The following INPP4B variants were observed in gnomAD, a reference collection of about 807,000 sequenced individuals.
The protein encoded by INPP4B is inositol polyphosphate-4-phosphatase type II B.
Under a neutral mutation model 122.5 loss-of-function variants are expected in INPP4B, and 55 were observed. The ratio of observed to expected loss-of-function variants is 0.45; its 90% CI spans 0.36 to 0.56. INPP4B has a LOEUF of 0.56. INPP4B is among the 20% of genes least tolerant of loss of function. INPP4B has a pLI of 0.00. For synonymous variants in INPP4B, 403 were observed against 388.7 expected (o/e 1.04, Z -0.43); for missense variants, 1,000 against 1,097.7 (o/e 0.91, Z 1.26).
intron 1 of INPP4B, among the ~76,000 whole-genome samples, chr4:142,739,352 T>C (rs1767558146): frequency 6.6e-6 from 1 of 152,030 alleles, no homozygotes; most frequent in African/African-American, 2.4e-5. Flanking sequence ...TTAATTTACT[T>C]GAGCATATGG....
At chr4:142,745,113 A>G (rs903558459) in intron 1 of INPP4B, among the ~76,000 whole-genome samples, 2 of 151,882 alleles carry the variant, frequency 1.3e-5, no homozygotes, top group Non-Finnish European at 2.9e-5. Context: ...ACTGAATCTA[A>G]ATAGACCTTA....
At chr4:142,395,628 T>G (rs1177457880) in intron 7 of INPP4B, among the ~76,000 whole-genome samples, 1 of 152,170 alleles carries the variant, frequency 6.6e-6, no homozygotes, top group African/African-American at 2.4e-5. Context: ...GCAGCACTAT[T>G]CACAATGGCC....
chr4:142,652,734 C>A (rs1043791169), intron 2 of INPP4B, among the ~76,000 whole-genome samples: 4 of 152,226 alleles, frequency 2.6e-5, no homozygotes, highest in Non-Finnish European at 4.4e-5. Flanking sequence ...AATGGAAGAA[C>A]ATTCCATGCT....
intron 1 of INPP4B, among the ~76,000 whole-genome samples, chr4:142,795,945 C>G (rs1391560169): frequency 2.0e-5 from 3 of 151,862 alleles, no homozygotes; most frequent in Non-Finnish European, 4.4e-5. Context: ...ATTTTCTCGC[C>G]TAATTTAATC....
At chr4:142,620,136 A>G (rs945877211) in intron 2 of INPP4B, among the ~76,000 whole-genome samples, 3 of 152,020 alleles carry the variant, frequency 2.0e-5, no homozygotes, top group Non-Finnish European at 2.9e-5. Flanking sequence ...CATTCGGCCC[A>G]ACAATTCCAA....
chr4:142,074,933 T>A (rs1366414291), intron 25 of INPP4B, among the ~76,000 whole-genome samples: 1 of 152,026 alleles, frequency 6.6e-6, no homozygotes, highest in Non-Finnish European at 1.5e-5. Flanking sequence ...AAGACACAGT[T>A]CAGATTCTAC....
Position 142,748,969 on chromosome 4 carries a change from G to A in INPP4B, c.-253-23068C>T, listed in dbSNP as rs531453144. 3.3e-5 allele frequency among the ~76,000 whole-genome samples: 5 copies of A among 151,396 alleles called. No individual in the cohort carries two copies. In the East Asian group the frequency reaches 5.9e-4, roughly 18 times the overall value. ...AGCCTGGCTAACATGGCAAAACCCC[G>A]TCTCTACTAAAAACACAAAAATTAT... On this transcript the variant is annotated intron_variant, in intron 1 of 25. Transcript: ENST00000262992.
At chr4:142,250,216 A>T (rs1237618766) in intron 11 of INPP4B, among the ~76,000 whole-genome samples, 1 of 152,168 alleles carries the variant, frequency 6.6e-6, no homozygotes, top group Non-Finnish European at 1.5e-5. Flanking sequence ...CCCAACATAC[A>T]CATTCAACTT....
chr4:142,181,426 T>C (rs1196794599), intron 15 of INPP4B, among the ~76,000 whole-genome samples: 2 of 152,206 alleles, frequency 1.3e-5, no homozygotes, highest in Non-Finnish European at 2.9e-5. Context: ...CAAAAATAAA[T>C]ATAACTGTAT....
At chr4:142,650,641 T>G (rs1157134798) in intron 2 of INPP4B, among the ~76,000 whole-genome samples, 1 of 150,864 alleles carries the variant, frequency 6.6e-6, no homozygotes, top group Non-Finnish European at 1.5e-5. Context: ...CACACAATGG[T>G]AAAGGGATCA....
chr4:142,163,968 C>T (rs985840079), intron 16 of INPP4B, among the ~76,000 whole-genome samples: 2 of 151,786 alleles, frequency 1.3e-5, no homozygotes, highest in African/African-American at 4.8e-5. Flanking sequence ...TTTAAAATAT[C>T]AGCTTAATAA....
intron 2 of INPP4B, among the ~76,000 whole-genome samples, chr4:142,674,178 A>G (rs1203386051): frequency 2.0e-5 from 3 of 152,056 alleles, no homozygotes; most frequent in South Asian, 2.1e-4. Flanking sequence ...TTACTTTTCA[A>G]TTCAACTTCT....
At chr4:142,595,684 C>G (rs146560357) in intron 2 of INPP4B, among the ~76,000 whole-genome samples, 83 of 152,204 alleles carry the variant, frequency 5.5e-4, no homozygotes, top group African/African-American at 2.0e-3. Context: ...GGTAAACAAT[C>G]AACTTGGCAA....
chr4:142,351,902 C>T (rs574922271), intron 7 of INPP4B, among the ~76,000 whole-genome samples: 1 of 152,112 alleles, frequency 6.6e-6, no homozygotes, highest in East Asian at 1.9e-4. Context: ...TACTTGTGAG[C>T]TCATTATTTC....
chr4:142,528,331 G>C (rs1382413867), intron 2 of INPP4B, among the ~76,000 whole-genome samples: 3 of 152,026 alleles, frequency 2.0e-5, no homozygotes, highest in African/African-American at 7.2e-5. Context: ...ATTGGGGCGA[G>C]AGTCATCTTA....
intron 1 of INPP4B, among the ~76,000 whole-genome samples, chr4:142,812,435 AAGTTAGAAAATAGT>A (rs1779624759): frequency 6.6e-6 from 1 of 152,106 alleles, no homozygotes; most frequent in African/African-American, 2.4e-5. Flanking sequence ...CCTCCCTTTA[AAGTTAGAAAATAGT>A]ATTGTGCATT....
chr4:142,601,766 A>C (rs1225422336), intron 2 of INPP4B, among the ~76,000 whole-genome samples: 2 of 151,742 alleles, frequency 1.3e-5, no homozygotes, highest in Non-Finnish European at 1.5e-5. Flanking sequence ...TCAGGAGATC[A>C]AGACCATCCT....
At chr4:142,065,575 T>C (rs920400433) in intron 25 of INPP4B, among the ~76,000 whole-genome samples, 1 of 152,188 alleles carries the variant, frequency 6.6e-6, no homozygotes, top group Non-Finnish European at 1.5e-5. Flanking sequence ...GAAAATGTTA[T>C]GCTAAATGAA....
intron 2 of INPP4B, among the ~76,000 whole-genome samples, chr4:142,716,736 T>C (rs550876718): frequency 6.6e-6 from 1 of 152,320 alleles, no homozygotes; most frequent in East Asian, 1.9e-4. Flanking sequence ...AGTTTTTTCA[T>C]ATGTAGGATG....
Sources: gnomAD v4.1 joint callset for allele counts (sites outside exome capture counted in the v4.1 genomes callset) on GRCh38, gnomAD v4.1.1 for gene constraint, MANE v1.5 for transcripts, NCBI Gene and HGNC (gene_info 2026-07-23, HGNC 2026-07-21) for gene names.